Variants in PTPRN2 observed in about 807,000 individuals in gnomAD.
PTPRN2 encodes the protein protein tyrosine phosphatase receptor type N2, also known as receptor-type tyrosine-protein phosphatase N2.
A neutral mutation model predicts 118.8 loss-of-function variants in PTPRN2; 74 were observed. The observed-to-expected ratio is 0.62, with a 90% CI of 0.52 to 0.76. The LOEUF (loss-of-function observed/expected upper bound fraction) is 0.76. PTPRN2 is among the 30% of genes least tolerant of loss of function. The pLI is 0.00. For missense variants in PTPRN2, 1,481 were observed against 1,394.4 expected, an observed-to-expected ratio of 1.06 and a Z score of -0.99; for synonymous variants, 641 against 608.0, an observed-to-expected ratio of 1.05 and a Z score of -0.80.
At chr7:158,223,332 A>T (rs1361913542) in intron 3 of PTPRN2, among the ~76,000 whole-genome samples, 1 of 152,218 alleles carries the variant, frequency 6.6e-6, no homozygotes, top group East Asian at 1.9e-4. Context: ...TATGTAGCTA[A>T]TATTAACCCG....
At position 158,233,483 on chromosome 7, in the gene PTPRN2, G is replaced by C. The variant is rs569663343; in HGVS notation, c.278-28210C>G. Among the ~76,000 whole-genome samples the C allele has an allele frequency of 1.4e-4, 21 of 152,208 alleles. No individual in the cohort carries two copies. In the South Asian group the frequency reaches 4.4e-3, roughly 32 times the overall value. Reference sequence around the variant, plus strand: ...AAATAACTAATACTGTTAAAATGTCGATACTACCCAAAGCAATTGACAGAT... The same window carrying C: ...AAATAACTAATACTGTTAAAATGTCCATACTACCCAAAGCAATTGACAGAT... On this transcript the variant is annotated intron_variant, in intron 3 of 22. Coordinates refer to ENST00000389418, the MANE Select transcript of PTPRN2 (RefSeq NM_002847.5).
At chr7:158,032,268 G>A (rs981082894) in intron 11 of PTPRN2, among the ~76,000 whole-genome samples, 1 of 152,208 alleles carries the variant, frequency 6.6e-6, no homozygotes, top group Non-Finnish European at 1.5e-5. Context: ...GGCCCAGGAA[G>A]GGGTGGCTGA....
At position 158,330,700 on chromosome 7, in the gene PTPRN2, CAT is replaced by C. The variant is rs1202204728; in HGVS notation, c.164-13770_164-13769del. 1.5e-4 allele frequency among the ~76,000 whole-genome samples: 17 copies of C among 116,722 alleles called. 2 individuals are homozygous for C. The highest frequency in any genetic ancestry group is 2.9e-4 in the Admixed American group (3 of 10,484). 76.6% of individuals were successfully genotyped at this position (116,722 alleles called of 152,430 possible). The stretch of plus-strand genomic sequence containing the variant: ...GAGGCACAAAGAGGTCACTCACATC[CAT>C]ACTCTCACCATAAGAGCCGACACGT... On this transcript the variant is annotated intron_variant, in intron 2 of 22. Transcript: ENST00000389418.
At chr7:158,512,746 G>A (rs1823269838) in intron 1 of PTPRN2, among the ~76,000 whole-genome samples, 1 of 152,182 alleles carries the variant, frequency 6.6e-6, no homozygotes, top group Admixed American at 6.5e-5. Context: ...TACACAAGAT[G>A]AGCCTAAAGC....
chr7:158,133,989 A>C lies in PTPRN2; in HGVS notation c.1244T>G (p.Leu415Arg), dbSNP rs1295981824. Reference sequence around the variant, plus strand: ...CATGTCGAGGGGCCTTGCAAAGGGGAGGGCTCCAGGTAAGAGTCGAGACCC... The same window carrying C: ...CATGTCGAGGGGCCTTGCAAAGGGGCGGGCTCCAGGTAAGAGTCGAGACCC... The part of the protein sequence containing the change: ...DHGSRLLPGA[L>R]PFARPLDMER... Residue 415 changes from leucine (L) to arginine (R), a missense_variant, in exon 9 of 23, where the codon CTC becomes CGC. Coordinates refer to ENST00000389418, the MANE Select transcript of PTPRN2 (RefSeq NM_002847.5). The C allele has an allele frequency of 1.2e-6, 2 of 1,613,974 alleles. No individual in the cohort carries two copies.
At chr7:157,914,670 T>C (rs1315865769) in intron 11 of PTPRN2, among the ~76,000 whole-genome samples, 1 of 152,110 alleles carries the variant, frequency 6.6e-6, no homozygotes, top group African/African-American at 2.4e-5. Flanking sequence ...GAACCGTGTG[T>C]AAGAGTCTTC....
intron 17 of PTPRN2, among the ~76,000 whole-genome samples, chr7:157,582,112 C>T (rs1010168616): frequency 6.6e-6 from 1 of 152,182 alleles, no homozygotes; most frequent in Non-Finnish European, 1.5e-5. Flanking sequence ...GAGTTTGCAG[C>T]ACCTTGTGAT....
Position 157,568,928 on chromosome 7 carries a change from T to G in PTPRN2, c.2876A>C (p.Asp959Ala). 1 of 1,577,322 alleles carries G rather than the reference T, an allele frequency of 6.3e-7. No homozygotes were observed. The highest frequency in any genetic ancestry group is 8.7e-7 in the Non-Finnish European group (1 of 1,146,684). ...TTTGGCCATCTTGTTGAGAACCATG[T>G]CGATCAGGACGTAGGTGCCGCTCCG... The part of the protein sequence containing the change: ...AGRSGTYVLI[D>A]MVLNKMAKGA... The change falls in exon 21 of 23, where the codon GAC becomes GCC. Residue 959 changes from aspartate to alanine, a missense_variant. Coordinates refer to ENST00000389418, the MANE Select transcript of PTPRN2 (RefSeq NM_002847.5).
chr7:157,959,841 A>C (rs1801409268), intron 11 of PTPRN2, among the ~76,000 whole-genome samples: 1 of 152,222 alleles, frequency 6.6e-6, no homozygotes, highest in African/African-American at 2.4e-5. Flanking sequence ...GTAAACACTC[A>C]AGTAATGCAA....
chr7:157,696,199 G>A (rs1317808096), intron 12 of PTPRN2, among the ~76,000 whole-genome samples: 1 of 145,218 alleles, frequency 6.9e-6, no homozygotes, highest in African/African-American at 2.6e-5. Context: ...ATCTACCCAT[G>A]CACACTGGGT....
Position 157,953,418 on chromosome 7 carries a change from G to T in PTPRN2, c.1724-54681C>A, listed in dbSNP as rs1041277626. Among the ~76,000 whole-genome samples the T allele has an allele frequency of 2.0e-5, 3 of 152,132 alleles. No homozygotes were observed. Among genetic ancestry groups the T allele is most frequent in the African/African-American group, 7.2e-5 (3 of 41,432 alleles). ...GGCACTCCCCGGGCACAGAGGGAAC[G>T]GCCTGGGTGGCATGGAGAGTGTCCT... On this transcript the variant is annotated intron_variant, in intron 11 of 22. Coordinates refer to ENST00000389418, the MANE Select transcript of PTPRN2 (RefSeq NM_002847.5). The surrounding 1 kb of genome is among the most constrained non-coding windows in gnomAD (Gnocchi z 4.6).
chr7:158,147,778 T>G (rs12536950), intron 6 of PTPRN2, among the ~76,000 whole-genome samples: 1 of 60,262 alleles, frequency 1.7e-5, no homozygotes. Flanking sequence ...CGCCACGTGT[T>G]ATTCCCCCTC....
chr7:158,509,961 C>T lies in PTPRN2; in HGVS notation c.113-20176G>A, dbSNP rs546847263. On this transcript the variant is annotated intron_variant, in intron 1 of 22. Transcript: ENST00000389418. This position sits in a 1 kb window ranked among gnomAD's most constrained non-coding sequence, Gnocchi z 4.4. ...ATGAGGGGAGCACGAAGATAGAGGACGAGACACAAGTCAAGCCTTAAAAAG... is the reference window on the plus strand; with the variant it reads ...ATGAGGGGAGCACGAAGATAGAGGATGAGACACAAGTCAAGCCTTAAAAAG... Among the ~76,000 whole-genome samples the T allele has an allele frequency of 2.0e-5, 3 of 152,274 alleles. No individual in the cohort carries two copies. Among genetic ancestry groups the T allele is most frequent in the Admixed American group, 1.3e-4 (2 of 15,286 alleles).
At chr7:158,154,588 G>C (rs1318688474) in intron 6 of PTPRN2, among the ~76,000 whole-genome samples, 1 of 152,156 alleles carries the variant, frequency 6.6e-6, no homozygotes, top group African/African-American at 2.4e-5. Flanking sequence ...GTTCTTTATG[G>C]TAAAGATCAG....
chr7:158,501,288 G>C (rs374366464), intron 1 of PTPRN2, among the ~76,000 whole-genome samples: 22 of 152,232 alleles, frequency 1.4e-4, no homozygotes, highest in African/African-American at 5.3e-4. Context: ...CCCCGCCCGG[G>C]GCTACAGCCA....
intron 12 of PTPRN2, among the ~76,000 whole-genome samples, chr7:157,775,127 A>G (rs946387813): frequency 6.6e-6 from 1 of 152,184 alleles, no homozygotes; most frequent in Non-Finnish European, 1.5e-5. Context: ...AAACGCGAAC[A>G]GTCTCGGAAC....
chr7:158,089,834 C>T lies in PTPRN2; in HGVS notation c.1644-8457G>A, dbSNP rs58736755. On this transcript the variant is annotated intron_variant, in intron 10 of 22. Transcript: ENST00000389418. Reference sequence around the variant, plus strand: ...GAGGGAGTCTTCACACACATCCTTCCTCCCCTGATGAAAGAGGGAGTCTTC... The same window carrying T: ...GAGGGAGTCTTCACACACATCCTTCTTCCCCTGATGAAAGAGGGAGTCTTC... 3.8e-3 allele frequency among the ~76,000 whole-genome samples: 414 copies of T among 109,078 alleles called. 7 individuals carry two copies. Among genetic ancestry groups the T allele is most frequent in the African/African-American group, 7.0e-3 (219 of 31,130 alleles). 71.6% of individuals were successfully genotyped at this position (109,078 alleles called of 152,430 possible). A position where few individuals can be genotyped will look rare whatever the true frequency, so the allele number is the denominator to read the frequency against.
At chr7:158,116,123 A>G (rs1010430006) in intron 9 of PTPRN2, among the ~76,000 whole-genome samples, 13 of 152,248 alleles carry the variant, frequency 8.5e-5, no homozygotes, top group Non-Finnish European at 1.9e-4. Flanking sequence ...TCATTCCACA[A>G]GTAGATTCTA....
rs911467308 is a variant in PTPRN2 at position 158,065,814 on chromosome 7, G to T, written c.1723+15484C>A. On this transcript the variant is annotated intron_variant, in intron 11 of 22. Coordinates refer to ENST00000389418, the MANE Select transcript of PTPRN2 (RefSeq NM_002847.5). ...CTTCTATTAAAAGAGGAGAAATTGC[G>T]TATTTAAAATGGAAATTACCCCAGA... Among the ~76,000 whole-genome samples, 3 of 152,182 alleles carry T rather than the reference G, an allele frequency of 2.0e-5. No individual in the cohort carries two copies. In the South Asian group the frequency reaches 6.2e-4, roughly 32 times the overall value.
Sources: gnomAD v4.1 joint callset for allele counts (sites outside exome capture counted in the v4.1 genomes callset) on GRCh38, gnomAD v4.1.1 for gene constraint, Gnocchi (gnomAD v3.1) non-coding constraint, MANE v1.5 for transcripts, NCBI Gene and HGNC (gene_info 2026-07-23, HGNC 2026-07-21) for gene names.